The following UTRN variants were observed in gnomAD, a reference collection of about 807,000 sequenced individuals.
UTRN encodes the protein dystrophin-related protein 1.
Under a neutral mutation model 463.9 loss-of-function variants are expected in UTRN, and 283 were observed. That is an observed-to-expected ratio of 0.61 (90% CI 0.55 to 0.67). The LOEUF is 0.67. UTRN is among the 30% of genes least tolerant of loss of function. UTRN has a pLI of 0.00. For synonymous variants in UTRN, 1,442 were observed against 1,431.5 expected, an observed-to-expected ratio of 1.01 and a Z score of -0.17; for missense variants, 3,922 against 4,084.3, an observed-to-expected ratio of 0.96 and a Z score of 1.08.
chr6:144,636,278 A>G (rs1476242337), intron 51 of UTRN, among the ~76,000 whole-genome samples: 2 of 152,130 alleles, frequency 1.3e-5, no homozygotes, highest in Admixed American at 6.5e-5. Context: ...ATTCTCAGCA[A>G]ACTCACACAG....
chr6:144,416,160 A>G (rs747598968), intron 3 of UTRN, among the ~76,000 whole-genome samples: 2 of 152,030 alleles, frequency 1.3e-5, no homozygotes, highest in Admixed American at 1.3e-4. Flanking sequence ...TATTTCACCT[A>G]TATGTGGTCA....
intron 3 of UTRN, among the ~76,000 whole-genome samples, chr6:144,409,028 C>T (rs1783657791): frequency 6.6e-6 from 1 of 152,162 alleles, no homozygotes; most frequent in South Asian, 2.1e-4. Context: ...TTTTAGGAGC[C>T]ATACACATTC....
chr6:144,481,405 A>G (rs1386157186), intron 26 of UTRN, among the ~76,000 whole-genome samples: 1 of 152,238 alleles, frequency 6.6e-6, no homozygotes, highest in Non-Finnish European at 1.5e-5. Flanking sequence ...AGATCATCTC[A>G]GTCTAACTTT....
At chr6:144,506,082 A>ATT (rs146289347) in intron 34 of UTRN, among the ~76,000 whole-genome samples, 99 of 133,066 alleles carry the variant, frequency 7.4e-4, no homozygotes, top group Middle Eastern at 4.0e-3. Flanking sequence ...CAACCCCCGC[A>ATT]TTTTTTTTTT....
rs1584719691 is a variant in UTRN, at chr6:144,421,963, C to T, written c.227C>T (p.Thr76Ile). 1 of 1,610,162 alleles carries T rather than the reference C, an allele frequency of 6.2e-7. No homozygotes were observed. The highest frequency in any genetic ancestry group is 1.1e-5 in the South Asian group (1 of 90,434). The change falls in exon 4 of 75, where the codon ACA becomes ATA. Residue 76 changes from threonine to isoleucine, a missense_variant. Coordinates refer to ENST00000367545, the MANE Select transcript of UTRN (RefSeq NM_007124.3). ...LLDLLEGLTGTSLPKERGSTR... is the reference protein window; with the variant it reads ...LLDLLEGLTGISLPKERGSTR... ...GATCTTCTAGAAGGCCTCACAGGAA[C>T]ATCACTGGTGAGCAAGTCATCTTTG... is the stretch of plus-strand genomic sequence containing the variant.
At chr6:144,827,492 A>T in intron 67 of UTRN, 106 bp downstream of exon 67, 1 of 1,597,878 alleles carries the variant, frequency 6.3e-7, no homozygotes, top group Non-Finnish European at 8.6e-7. Context: ...TGTTCCGGGT[A>T]ACAATCCTAG....
chr6:144,735,036 G>C (rs1181154653), intron 54 of UTRN, among the ~76,000 whole-genome samples: 1 of 152,134 alleles, frequency 6.6e-6, no homozygotes, highest in Non-Finnish European at 1.5e-5. Context: ...TTATTACATA[G>C]TGTTTGAAAG....
intron 53 of UTRN, among the ~76,000 whole-genome samples, chr6:144,729,031 TA>T (rs1472244874): frequency 6.6e-6 from 1 of 152,070 alleles, no homozygotes; most frequent in African/African-American, 2.4e-5. Context: ...AAATTATCAG[TA>T]ATAGTGGTTT....
At chr6:144,699,500 T>TTTTTTTTG (rs1784369476) in intron 52 of UTRN, among the ~76,000 whole-genome samples, 1 of 83,508 alleles carries the variant, frequency 1.2e-5, no homozygotes, top group African/African-American at 5.7e-5. Flanking sequence ...TTTTTTTTTT[T>TTTTTTTTG]GGAAAGAAAA....
chr6:144,832,665 C>CACAT (rs906090024), intron 69 of UTRN, among the ~76,000 whole-genome samples: 8 of 152,148 alleles, frequency 5.3e-5, no homozygotes, highest in African/African-American at 1.9e-4. Context: ...CAAGATCAGC[C>CACAT]ACATAGCTTA....
chr6:144,321,730 A>G (rs1775665031), intron 2 of UTRN, among the ~76,000 whole-genome samples: 1 of 150,650 alleles, frequency 6.6e-6, no homozygotes, highest in Non-Finnish European at 1.5e-5. Context: ...TCGGCCTCCC[A>G]AAGTGCTAGG....
chr6:144,718,061 C>G (rs1190844918), intron 53 of UTRN, among the ~76,000 whole-genome samples: 5 of 152,076 alleles, frequency 3.3e-5, no homozygotes, highest in Admixed American at 6.6e-5. Flanking sequence ...AACCAAAGCT[C>G]TAGGTAAAAT....
chr6:144,300,418 CA>C (rs1313587560), intron 2 of UTRN, among the ~76,000 whole-genome samples: 2 of 152,170 alleles, frequency 1.3e-5, no homozygotes, highest in African/African-American at 4.8e-5. Context: ...TTCAGTTAAC[CA>C]AACCAAATCA....
intron 51 of UTRN, among the ~76,000 whole-genome samples, chr6:144,594,764 G>A (rs1803471874): frequency 6.6e-6 from 1 of 152,046 alleles, no homozygotes; most frequent in East Asian, 1.9e-4. Flanking sequence ...TCACACTCAT[G>A]AGCAGTCATT....
At chr6:144,850,449 A>G (rs1009517358) in intron 74 of UTRN, among the ~76,000 whole-genome samples, 2 of 152,012 alleles carry the variant, frequency 1.3e-5, no homozygotes, top group African/African-American at 4.8e-5. Context: ...CAAATGTTTG[A>G]CCTTCCCTTC....
chr6:144,757,809 A>C lies in UTRN; in HGVS notation c.8435-120A>C. ...CCCAGTGGATCTCATAATTATAGGA[A>C]TCCAGCTCAGAAACCAGAGCAGTTC... On this transcript the variant is annotated intron_variant, in intron 57 of 74. Coordinates refer to ENST00000367545, the MANE Select transcript of UTRN (RefSeq NM_007124.3). 4 of 821,632 alleles carry C rather than the reference A, an allele frequency of 4.9e-6. No individual in the cohort carries two copies. In the South Asian group the frequency reaches 9.7e-5, roughly 20 times the overall value. The allele number at this position is 821,632 out of a possible 1,614,324, so 50.9% of individuals were successfully genotyped here.
chr6:144,531,028 T>C, intron 41 of UTRN, 24 bp from the exon 42 acceptor site: 1 of 1,599,184 alleles, frequency 6.3e-7, no homozygotes, highest in African/African-American at 1.3e-5. Flanking sequence ...GGAAACCTAT[T>C]TTATTTTGTG....
rs777648080 is a variant in UTRN at position 144,521,949 on chromosome 6, A to ATT, written c.5542-30_5542-29insTT. On this transcript the variant is annotated intron_variant, in intron 39 of 74. Transcript: ENST00000367545. Reference sequence around the variant, plus strand: ...GGTATTTTAAGAGATATATATATATATATATATTTTTTTTTTTGCTGTTTT... The same window carrying ATT: ...GGTATTTTAAGAGATATATATATATATTTATATATTTTTTTTTTTGCTGTTTT... 2.8e-5 allele frequency: 34 copies of ATT among 1,212,714 alleles called. No homozygotes were observed. The African/African-American group carries it at 4.5e-4, about 16-fold the overall frequency. 75.1% of individuals were successfully genotyped at this position (1,212,714 alleles called of 1,614,324 possible).
chr6:144,376,990 T>A (rs2114726917), intron 2 of UTRN, among the ~76,000 whole-genome samples: 1 of 152,276 alleles, frequency 6.6e-6, no homozygotes, highest in Middle Eastern at 3.4e-3. Context: ...GCTATAGTAT[T>A]TCAAATCTGT....
Sources: gnomAD v4.1 joint callset for allele counts (sites outside exome capture counted in the v4.1 genomes callset) on GRCh38, gnomAD v4.1.1 for gene constraint, MANE v1.5 for transcripts, NCBI Gene and HGNC (gene_info 2026-07-23, HGNC 2026-07-21) for gene names.